ZNF438: variants seen among roughly 807,000 people sequenced by gnomAD.
The protein encoded by ZNF438 is zinc finger protein 438.
In ZNF438, 25 loss-of-function variants were observed where a neutral mutation model predicts 38.0. That is an observed-to-expected ratio of 0.66 (90% confidence interval 0.48 to 0.92). The LOEUF is 0.92. Among genes scored for constraint, ZNF438 ranks in the 40% least tolerant of loss-of-function variants. The probability of loss-of-function intolerance (pLI) is 0.00; values close to 1 mark genes in which losing one functional copy is unlikely to be tolerated. For synonymous variants in ZNF438, 372 were observed against 364.1 expected, an observed-to-expected ratio of 1.02 and a Z score of -0.25; for missense variants, 1,007 against 999.6, an observed-to-expected ratio of 1.01 and a Z score of -0.10.
chr10:30,863,697 T>C (rs749943761), intron 4 of ZNF438, among the ~76,000 whole-genome samples: 1 of 152,246 alleles, frequency 6.6e-6, no homozygotes, highest in African/African-American at 2.4e-5. Flanking sequence ...CGAGGCTATG[T>C]GTGCCTGTGA....
intron 4 of ZNF438, chr10:30,857,702 C>A: frequency 6.6e-7 from 1 of 1,503,882 alleles, no homozygotes; most frequent in Non-Finnish European, 9.0e-7. Context: ...TCTGAGAAAT[C>A]CAGAAAGGCT....
chr10:30,944,237 T>C (rs554403830), intron 1 of ZNF438, among the ~76,000 whole-genome samples: 7 of 152,320 alleles, frequency 4.6e-5, no homozygotes, highest in Non-Finnish European at 8.8e-5. Context: ...GCAAATTCAT[T>C]GTCCAGTCAT....
intron 1 of ZNF438, among the ~76,000 whole-genome samples, chr10:30,974,447 T>G (rs1016990942): frequency 1.3e-5 from 2 of 152,168 alleles, no homozygotes; most frequent in Non-Finnish European, 2.9e-5. Flanking sequence ...CACTCTAGCC[T>G]GGGTGATGGA....
Position 30,913,092 on chromosome 10 carries a change from G to C in ZNF438, c.-114-4077C>G, listed in dbSNP as rs115967770. On this transcript the variant is annotated intron_variant, in intron 2 of 5. Transcript: ENST00000413025. ...CCACTAAAATGGCCTGTAACCAGTC[G>C]AGACACTTCCACCCTTTACCCCAAA... Among the ~76,000 whole-genome samples, 619 of 152,048 alleles carry C rather than the reference G, an allele frequency of 4.1e-3. 13 individuals are homozygous for C. Among genetic ancestry groups the C allele is most frequent in the African/African-American group, 0.014 (580 of 41,468 alleles).
At chr10:31,003,418 G>T (rs897235015) in intron 1 of ZNF438, among the ~76,000 whole-genome samples, 2 of 152,104 alleles carry the variant, frequency 1.3e-5, no homozygotes, top group Admixed American at 6.5e-5. Context: ...TTAAAACCCT[G>T]TTCTGGCCTG....
intron 4 of ZNF438, among the ~76,000 whole-genome samples, chr10:30,876,656 T>C (rs1026279566): frequency 2.0e-5 from 3 of 152,210 alleles, no homozygotes; most frequent in African/African-American, 7.2e-5. Flanking sequence ...AAAATACTTG[T>C]GTTATTTTGC....
Position 31,022,541 on chromosome 10 carries a change from G to A in ZNF438, c.-192+9292C>T, listed in dbSNP as rs190909137. Among the ~76,000 whole-genome samples, 196 of 152,240 alleles carry A rather than the reference G, an allele frequency of 1.3e-3. 3 individuals carry two copies. The highest frequency in any genetic ancestry group is 4.1e-4 in the South Asian group (2 of 4,820). ...CTCCCAAAGTGCTGGGATTACAGGC[G>A]TGAGCCACCACACCTGGCCCACTAC... is the stretch of plus-strand genomic sequence containing the variant. On this transcript the variant is annotated intron_variant, in intron 1 of 5. Coordinates refer to ENST00000413025, the Ensembl canonical transcript of ZNF438.
chr10:30,845,277 G>A (rs1271195191), exon 6 of ZNF438: 1 of 1,614,040 alleles, frequency 6.2e-7, no homozygotes, highest in South Asian at 1.1e-5. Context: ...TTTCAGTCTT[G>A]GACATGCATG....
intron 4 of ZNF438, among the ~76,000 whole-genome samples, chr10:30,869,491 T>C (rs982057400): frequency 6.6e-6 from 1 of 152,176 alleles, no homozygotes; most frequent in African/African-American, 2.4e-5. Context: ...AATATTTTAT[T>C]TCAACTTCCA....
chr10:30,855,048 A>C (rs1203425181), intron 4 of ZNF438, among the ~76,000 whole-genome samples: 1 of 152,238 alleles, frequency 6.6e-6, no homozygotes, highest in African/African-American at 2.4e-5. Flanking sequence ...TACTTCATAG[A>C]GCCATACCAA....
chr10:30,978,696 T>C (rs2051728633), intron 1 of ZNF438, among the ~76,000 whole-genome samples: 1 of 152,220 alleles, frequency 6.6e-6, no homozygotes. Flanking sequence ...CTCACACTTC[T>C]GATATACTAA....
chr10:30,848,439 T>C, intron 5 of ZNF438, 92 bp downstream of exon 6: 2 of 1,445,012 alleles, frequency 1.4e-6, no homozygotes, highest in Non-Finnish European at 1.9e-6. Flanking sequence ...TAGAGATGTT[T>C]TATAAACTCT....
intron 1 of ZNF438, among the ~76,000 whole-genome samples, chr10:30,971,793 C>A (rs906018235): frequency 6.6e-6 from 1 of 152,040 alleles, no homozygotes; most frequent in Non-Finnish European, 1.5e-5. Flanking sequence ...ATGCCACCCC[C>A]CAACAATTTT....
chr10:30,936,145 T>C (rs1391267305), intron 2 of ZNF438, among the ~76,000 whole-genome samples: 3 of 152,204 alleles, frequency 2.0e-5, no homozygotes, highest in Non-Finnish European at 2.9e-5. Flanking sequence ...CCAGTTTCTA[T>C]TGCCAACTCG....
intron 3 of ZNF438, among the ~76,000 whole-genome samples, chr10:30,886,396 G>C (rs2039956475): frequency 6.6e-6 from 1 of 152,132 alleles, no homozygotes; most frequent in Non-Finnish European, 1.5e-5. Flanking sequence ...TTCCTGGCTT[G>C]TTTTAAGTAA....
chr10:30,871,287 T>A (rs993816599), intron 4 of ZNF438, among the ~76,000 whole-genome samples: 10 of 152,198 alleles, frequency 6.6e-5, no homozygotes, highest in South Asian at 2.1e-4. Flanking sequence ...AACATTTGCT[T>A]TCATTGGCCT....
At chr10:31,017,125 C>G (rs1262447580) in intron 1 of ZNF438, among the ~76,000 whole-genome samples, 1 of 152,188 alleles carries the variant, frequency 6.6e-6, no homozygotes, top group Admixed American at 6.5e-5. Context: ...GTCTTCCATT[C>G]TGAAAATAAA....
intron 1 of ZNF438, among the ~76,000 whole-genome samples, chr10:30,982,581 T>C (rs2052336706): frequency 2.0e-5 from 3 of 152,204 alleles, no homozygotes; most frequent in Admixed American, 2.0e-4. Flanking sequence ...GCAAGAGTTA[T>C]TCAGGCATGG....
At chr10:31,022,260 C>CTTT (rs57644959) in intron 1 of ZNF438, among the ~76,000 whole-genome samples, 4 of 149,138 alleles carry the variant, frequency 2.7e-5, no homozygotes, top group Non-Finnish European at 3.0e-5. Flanking sequence ...AGCTTTCTTC[C>CTTT]TTTTTTTTTT....
Sources: gnomAD v4.1 joint callset for allele counts (sites outside exome capture counted in the v4.1 genomes callset) on GRCh38, gnomAD v4.1.1 for gene constraint, MANE v1.5 for transcripts, NCBI Gene and HGNC (gene_info 2026-07-23, HGNC 2026-07-21) for gene names.